KIAA0753: variants seen among roughly 807,000 people sequenced by gnomAD.
The protein encoded by KIAA0753 is KIAA0753.
A neutral mutation model predicts 116.9 loss-of-function variants in KIAA0753; 114 were observed. The observed-to-expected ratio is 0.98, with a 90% CI of 0.84 to 1.14. KIAA0753 has a LOEUF of 1.14. KIAA0753 is among the 50% of genes most tolerant of loss of function. The probability of loss-of-function intolerance (pLI) is 0.00; values close to 1 mark genes in which losing one functional copy is unlikely to be tolerated. For synonymous variants in KIAA0753, 405 were observed against 413.1 expected (o/e 0.98, Z 0.24); for missense variants, 1,156 against 1,172.4 (o/e 0.99, Z 0.20).
intron 1 of KIAA0753, chr17:6,638,032 C>T (rs961160451): frequency 6.5e-6 from 1 of 152,816 alleles, no homozygotes; most frequent in Non-Finnish European, 1.5e-5. Flanking sequence ...AGTCTCCCCC[C>T]CAAGCCCAGG....
Position 6,590,703 on chromosome 17 carries a change from C to T in KIAA0753, c.2441-73G>A, listed in dbSNP as rs576477378. On this transcript the variant is annotated intron_variant, in intron 16 of 18. Transcript: ENST00000361413. ...GTCCATTTTAGAGCTGTTCTAGTGG[C>T]CAAGAACCTGAGAGCAAGTTACATG... 6 of 1,552,708 alleles carry T rather than the reference C, an allele frequency of 3.9e-6. No homozygotes were observed. The South Asian group carries it at 5.7e-5, about 15-fold the overall frequency.
chr17:6,596,152 C>A lies in KIAA0753; in HGVS notation c.2358+6G>T. On this transcript the variant is annotated splice_donor_region_variant and intron_variant, in intron 15 of 18. Transcript: ENST00000361413. Reference sequence around the variant, plus strand: ...AGCGAACCAGACCCGGAGCCCCAGACCTTACTTCCATCTCTTCCATTCGGC... The same window carrying A: ...AGCGAACCAGACCCGGAGCCCCAGAACTTACTTCCATCTCTTCCATTCGGC... The A allele has an allele frequency of 1.2e-6, 2 of 1,612,330 alleles. No homozygotes were observed. Among genetic ancestry groups the A allele is most frequent in the South Asian group, 1.1e-5 (1 of 91,006 alleles).
intron 1 of KIAA0753, chr17:6,636,499 TAC>T (rs1270611759): frequency 6.6e-6 from 1 of 152,234 alleles, no homozygotes; most frequent in Non-Finnish European, 1.5e-5. Context: ...CAAGTGATGC[TAC>T]ACACACACAT....
At position 6,606,844 on chromosome 17, in the gene KIAA0753, A is replaced by G. The variant is rs180745198; in HGVS notation, c.2009+29T>C. On this transcript the variant is annotated intron_variant, in intron 12 of 18. Transcript: ENST00000361413. ...GATCAATTAGAACAGGCAAACATCC[A>G]CTATTCTTCCTAAGAAGCAAACACA... The G allele has an allele frequency of 5.2e-5, 82 of 1,578,980 alleles. 1 individual carries two copies. The Admixed American group carries it at 8.7e-4, about 17-fold the overall frequency.
At position 6,620,977 on chromosome 17, in the gene KIAA0753, T is replaced by C; in HGVS notation, c.1126A>G (p.Lys376Glu). ...QIEALESLLE[K>E]KLSPKKVKKC... ...TTCACCTTTTTTGGTGACAGTTTCT[T>C]TTCCAGGAGAGATTCCAAAGCCTGC... Residue 376 changes from lysine (K) to glutamate (E), a missense_variant, in exon 7 of 19, where the codon AAG becomes GAG. Coordinates refer to ENST00000361413, the MANE Select transcript of KIAA0753 (RefSeq NM_014804.3). 6.2e-7 allele frequency: 1 copy of C among 1,613,560 alleles called. No individual in the cohort carries two copies. Among genetic ancestry groups the C allele is most frequent in the Non-Finnish European group, 8.5e-7 (1 of 1,179,968 alleles).
At chr17:6,617,079 T>C (rs1158530237) in intron 7 of KIAA0753, among the ~76,000 whole-genome samples, 3 of 152,230 alleles carry the variant, frequency 2.0e-5, no homozygotes, top group Non-Finnish European at 4.4e-5. Context: ...CACTTCTCTG[T>C]GTGCAGGCCT....
intron 18 of KIAA0753, among the ~76,000 whole-genome samples, chr17:6,586,551 T>C (rs1309030263): frequency 6.6e-6 from 1 of 152,244 alleles, no homozygotes; most frequent in Non-Finnish European, 1.5e-5. Context: ...GATGGTTTCA[T>C]GTGTTTTATT....
chr17:6,619,044 C>T (rs1168926426), intron 7 of KIAA0753, among the ~76,000 whole-genome samples: 2 of 152,062 alleles, frequency 1.3e-5, no homozygotes, highest in African/African-American at 4.8e-5. Flanking sequence ...GCCTGGCCAA[C>T]GTGGTGAAAC....
At chr17:6,616,512 C>T (rs1970945240) in intron 7 of KIAA0753, among the ~76,000 whole-genome samples, 1 of 152,186 alleles carries the variant, frequency 6.6e-6, no homozygotes, top group Non-Finnish European at 1.5e-5. Context: ...GACTATCCTT[C>T]CCATTTTACA....
chr17:6,593,767 C>CGGACT (rs1298249120), intron 16 of KIAA0753, among the ~76,000 whole-genome samples: 2 of 152,168 alleles, frequency 1.3e-5, no homozygotes, highest in Non-Finnish European at 2.9e-5. Context: ...ACCTGTAGTC[C>CGGACT]CAGCTACTTG....
chr17:6,628,469 G>C lies in KIAA0753; in HGVS notation c.366C>G (p.Leu122=). 1.2e-6 allele frequency: 2 copies of C among 1,614,168 alleles called. No individual in the cohort carries two copies. Among genetic ancestry groups the C allele is most frequent in the Non-Finnish European group, 1.7e-6 (2 of 1,180,038 alleles). Reference sequence around the variant, plus strand: ...TCTGAGAGCTTTGAGGCTGACTTCTGAGATGATGTTCTTTTATATGTTTTT... The same window carrying C: ...TCTGAGAGCTTTGAGGCTGACTTCTCAGATGATGTTCTTTTATATGTTTTT... ...QFEKHIKEHH[L]RSQPQSSQKC... Residue 122 remains leucine, a synonymous_variant, in exon 3 of 19, where the codon CTC becomes CTG. Coordinates refer to ENST00000361413, the MANE Select transcript of KIAA0753 (RefSeq NM_014804.3).
chr17:6,634,805 TAGA>T, intron 2 of KIAA0753: 1 of 509,718 alleles, frequency 2.0e-6, no homozygotes, highest in Non-Finnish European at 3.5e-6. Flanking sequence ...CTCAAATATT[TAGA>T]AGTATCAGGT....
At chr17:6,588,465 G>C (rs1968744440) in intron 18 of KIAA0753, among the ~76,000 whole-genome samples, 1 of 152,138 alleles carries the variant, frequency 6.6e-6, no homozygotes, top group Non-Finnish European at 1.5e-5. Context: ...GCAGCCGCCT[G>C]GACTCAGGTA....
At chr17:6,622,311 G>A (rs182254093) in intron 6 of KIAA0753, among the ~76,000 whole-genome samples, 146 of 152,308 alleles carry the variant, frequency 9.6e-4, no homozygotes, top group Admixed American at 1.2e-3. Context: ...AGGGTCAAAT[G>A]GCATAATTAC....
At chr17:6,622,851 C>A (rs770971129) in intron 6 of KIAA0753, 31 bp downstream of exon 6, 3 of 1,580,070 alleles carry the variant, frequency 1.9e-6, no homozygotes, top group East Asian at 2.2e-5. Flanking sequence ...TTCCAATGCA[C>A]CTCTAACAAA....
At chr17:6,593,952 A>G (rs1357251933) in intron 16 of KIAA0753, among the ~76,000 whole-genome samples, 1 of 152,218 alleles carries the variant, frequency 6.6e-6, no homozygotes, top group East Asian at 1.9e-4. Flanking sequence ...GATGGTTACC[A>G]CAAAAAAGAC....
At chr17:6,605,262 G>A (rs575797196) in intron 12 of KIAA0753, among the ~76,000 whole-genome samples, 46 of 152,282 alleles carry the variant, frequency 3.0e-4, no homozygotes, top group African/African-American at 1.1e-3. Flanking sequence ...CAGACCTGCT[G>A]TCTGCTAAGG....
At chr17:6,600,672 C>T (rs543198785) in intron 12 of KIAA0753, among the ~76,000 whole-genome samples, 2 of 152,172 alleles carry the variant, frequency 1.3e-5, no homozygotes, top group East Asian at 3.9e-4. Context: ...CAACAAGCTC[C>T]TAGGTGATGT....
rs577730264 is a variant in KIAA0753, at chr17:6,614,475, G to C, written c.1316-2327C>G. Among the ~76,000 whole-genome samples, 4 of 146,372 alleles carry C rather than the reference G, an allele frequency of 2.7e-5. No individual in the cohort carries two copies. The South Asian group carries it at 9.1e-4, about 33-fold the overall frequency. ...AATGAGAATTCATGTATCAATGTATGTATCAATATGAAAAAACCTTACAAG... is the reference window on the plus strand; with the variant it reads ...AATGAGAATTCATGTATCAATGTATCTATCAATATGAAAAAACCTTACAAG... On this transcript the variant is annotated intron_variant, in intron 7 of 18. Transcript: ENST00000361413.
Sources: allele counts gnomAD v4.1 joint callset (sites outside exome capture counted in the v4.1 genomes callset), GRCh38; gene constraint gnomAD v4.1.1; transcripts MANE v1.5; gene names NCBI Gene and HGNC (gene_info 2026-07-23, HGNC 2026-07-21).